The following NOL4 variants were observed in gnomAD, a reference collection of about 807,000 sequenced individuals.
NOL4 encodes the protein cancer/testis antigen 125.
In NOL4, 17 loss-of-function variants were observed where a neutral mutation model predicts 75.9. The observed-to-expected ratio is 0.22, with a 90% CI of 0.15 to 0.34. NOL4 has a LOEUF of 0.34. Among genes scored for constraint, NOL4 ranks in the 10% least tolerant of loss-of-function variants. The pLI is 1.00. For missense variants in NOL4, 614 were observed against 793.5 expected (o/e 0.77, Z 2.72); for synonymous variants, 292 against 289.9 (o/e 1.01, Z -0.07).
chr18:34,017,315 T>C (rs2074754721), intron 6 of NOL4, among the ~76,000 whole-genome samples: 1 of 152,144 alleles, frequency 6.6e-6, no homozygotes, highest in Non-Finnish European at 1.5e-5. Context: ...TTCTGAGTTG[T>C]CTCTGCTACC....
chr18:34,153,041 G>T (rs963944634), intron 1 of NOL4, among the ~76,000 whole-genome samples: 1 of 151,734 alleles, frequency 6.6e-6, no homozygotes, highest in Non-Finnish European at 1.5e-5. Flanking sequence ...AAATAAATTT[G>T]CCAAAATTAA....
chr18:33,886,185 G>C (rs528093704), intron 9 of NOL4, among the ~76,000 whole-genome samples: 180 of 152,082 alleles, frequency 1.2e-3, no homozygotes, highest in Admixed American at 3.2e-3. Context: ...GGGAGTGAGG[G>C]GATGGTGAAG....
At chr18:33,867,101 T>C (rs1354910931) in intron 10 of NOL4, among the ~76,000 whole-genome samples, 1 of 152,140 alleles carries the variant, frequency 6.6e-6, no homozygotes, top group Non-Finnish European at 1.5e-5. Context: ...ACAAGGAAAA[T>C]AGTACTATTT....
rs763005568 is a variant in NOL4, at chr18:33,957,376, G to T, written c.1378C>A (p.Arg460Ser). Residue 460 changes from arginine to serine, a missense_variant, in exon 8 of 11, where the codon CGT becomes AGT. Arg to Ser is a moderately radical substitution (Grantham distance 110, BLOSUM62 -1). Around this residue, in one of 9 missense-constraint regions of NOL4, gnomAD observed 52 missense variants for 121.1 expected, o/e 0.43. Coordinates refer to ENST00000261592, the MANE Select transcript of NOL4 (RefSeq NM_003787.5). ...EYQERARKRI[R>S]TYLKSCRRMK... ...CGCCTGCAGGACTTGAGGTAAGTAC[G>T]TATACGTTTTCTGGCACGCTCTTGA... 6.2e-7 allele frequency: 1 copy of T among 1,613,664 alleles called. No homozygotes were observed. Among genetic ancestry groups the T allele is most frequent in the Non-Finnish European group, 8.5e-7 (1 of 1,179,784 alleles).
intron 1 of NOL4, among the ~76,000 whole-genome samples, chr18:34,198,360 A>G (rs141641990): frequency 1.3e-3 from 196 of 151,934 alleles, no homozygotes; most frequent in Middle Eastern, 3.4e-3. Context: ...ACAAACGCCA[A>G]TTTGTCTGCC....
chr18:33,896,581 C>T (rs941034919), intron 9 of NOL4, among the ~76,000 whole-genome samples: 7 of 152,060 alleles, frequency 4.6e-5, no homozygotes, highest in Non-Finnish European at 1.0e-4. Context: ...TAGTCATATG[C>T]AGAAGATTGA....
intron 5 of NOL4, among the ~76,000 whole-genome samples, chr18:34,055,133 T>C (rs1236876101): frequency 6.6e-6 from 1 of 151,804 alleles, no homozygotes; most frequent in Non-Finnish European, 1.5e-5. Context: ...TTTGTTTTTA[T>C]GTTTTTGTCA....
At chr18:33,969,016 T>G (rs1452839463) in intron 6 of NOL4, among the ~76,000 whole-genome samples, 2 of 152,236 alleles carry the variant, frequency 1.3e-5, no homozygotes. Flanking sequence ...GCTAATATCA[T>G]GCAAACTGTT....
chr18:33,882,706 G>C, intron 10 of NOL4, among the ~76,000 whole-genome samples: 1 of 151,860 alleles, frequency 6.6e-6, no homozygotes, highest in East Asian at 1.9e-4. Context: ...CCATTACTGG[G>C]TATATACCCA....
chr18:33,927,566 A>G (rs1369864328), intron 9 of NOL4, among the ~76,000 whole-genome samples: 1 of 152,190 alleles, frequency 6.6e-6, no homozygotes, highest in African/African-American at 2.4e-5. Flanking sequence ...ACAAAGGAAG[A>G]CGACACTGAT....
intron 5 of NOL4, among the ~76,000 whole-genome samples, chr18:34,029,628 C>A (rs915324092): frequency 4.3e-4 from 65 of 152,074 alleles, no homozygotes; most frequent in Non-Finnish European, 9.3e-4. Flanking sequence ...TTATGTCTCC[C>A]AATTCTCTGG....
intron 6 of NOL4, among the ~76,000 whole-genome samples, chr18:34,004,917 C>T (rs555417270): frequency 1.4e-4 from 21 of 152,092 alleles, no homozygotes; most frequent in African/African-American, 4.8e-4. Context: ...TTAATGTCTC[C>T]TTGCTTTTCT....
intron 9 of NOL4, among the ~76,000 whole-genome samples, chr18:33,889,639 T>A (rs2064979847): frequency 6.6e-6 from 1 of 152,100 alleles, no homozygotes; most frequent in African/African-American, 2.4e-5. Context: ...AAATCCTCAA[T>A]AAAATACTGG....
At chr18:34,000,887 T>C (rs1316703757) in intron 6 of NOL4, among the ~76,000 whole-genome samples, 2 of 152,122 alleles carry the variant, frequency 1.3e-5, no homozygotes, top group South Asian at 2.1e-4. Flanking sequence ...AAAGAAGTTA[T>C]TAACATTCAA....
rs1422235135 is a variant in NOL4 at position 34,154,485 on chromosome 18, G to T, written c.265-24465C>A. On this transcript the variant is annotated intron_variant, in intron 1 of 10. Coordinates refer to ENST00000261592, the MANE Select transcript of NOL4 (RefSeq NM_003787.5). ...TATTTTGTTATGTCATTATGTTTGT[G>T]GGATTCATACATGCTGTAGTGTGTA... 3.3e-5 allele frequency among the ~76,000 whole-genome samples: 5 copies of T among 151,884 alleles called. 1 individual carries two copies. Among genetic ancestry groups the T allele is most frequent in the Non-Finnish European group, 7.4e-5 (5 of 67,924 alleles).
intron 6 of NOL4, among the ~76,000 whole-genome samples, chr18:34,002,981 C>T (rs191106199): frequency 6.6e-5 from 10 of 152,124 alleles, no homozygotes; most frequent in East Asian, 3.9e-4. Flanking sequence ...TATGAGTAAA[C>T]ATTATCCCCA....
intron 5 of NOL4, among the ~76,000 whole-genome samples, chr18:34,028,527 G>A (rs1301713660): frequency 6.6e-6 from 1 of 152,242 alleles, no homozygotes; most frequent in East Asian, 1.9e-4. Context: ...TGCCAAGGCA[G>A]GCGCCTGACC....
chr18:34,141,481 C>G (rs1324689901), intron 1 of NOL4, among the ~76,000 whole-genome samples: 1 of 152,142 alleles, frequency 6.6e-6, no homozygotes. Flanking sequence ...GGTACCAAAA[C>G]AGAGATATAG....
intron 6 of NOL4, among the ~76,000 whole-genome samples, chr18:33,996,577 A>C (rs2073300799): frequency 6.6e-6 from 1 of 151,814 alleles, no homozygotes; most frequent in Non-Finnish European, 1.5e-5. Context: ...TCCCTCTTCC[A>C]TCTGGTATTT....
Sources: gnomAD v4.1 joint callset for allele counts (sites outside exome capture counted in the v4.1 genomes callset) on GRCh38, gnomAD v4.1.1 for gene constraint, gnomAD v4.1.1 regional missense constraint, MANE v1.5 for transcripts, NCBI Gene and HGNC (gene_info 2026-07-23, HGNC 2026-07-21) for gene names.